FOXO3: variants seen among roughly 807,000 people sequenced by gnomAD.
FOXO3 encodes the protein forkhead box protein O3.
FOXO3 carries 4 observed loss-of-function variants against 41.9 expected under a neutral mutation model. The observed-to-expected ratio is 0.10, with a 90% CI of 0.05 to 0.22. FOXO3 has a LOEUF of 0.22. FOXO3 is among the 10% of genes least tolerant of loss of function. The pLI is 1.00. For synonymous variants in FOXO3, 318 were observed against 389.3 expected (o/e 0.82, Z 2.16); for missense variants, 534 against 906.8 (o/e 0.59, Z 5.28).
At chr6:108,564,535 A>G (rs1287901460) in intron 1 of FOXO3, among the ~76,000 whole-genome samples, 1 of 152,246 alleles carries the variant, frequency 6.6e-6, no homozygotes. Context: ...CATAAAGGGC[A>G]CGGTATGCAG....
At chr6:108,626,399 G>T (rs1777814973) in intron 1 of FOXO3, among the ~76,000 whole-genome samples, 1 of 152,116 alleles carries the variant, frequency 6.6e-6, no homozygotes, top group Non-Finnish European at 1.5e-5. Flanking sequence ...TGAAATATCT[G>T]TCACTACCTT....
At position 108,562,876 on chromosome 6, in the gene FOXO3, C is replaced by T. The variant is rs76694677; in HGVS notation, c.621+1047C>T. On this transcript the variant is annotated intron_variant, in intron 1 of 2. Transcript: ENST00000406360. ...CTGATATCCAGCTGCTTTCCTCTTC[C>T]TAGGCACCTCCCTGGCCCCTTCCCC... Among the ~76,000 whole-genome samples the T allele has an allele frequency of 5.7e-3, 875 of 152,308 alleles. 20 individuals are homozygous for T. Among genetic ancestry groups the T allele is most frequent in the East Asian group, 0.056 (290 of 5,184 alleles).
intron 1 of FOXO3, among the ~76,000 whole-genome samples, chr6:108,609,810 G>C (rs1198712627): frequency 6.6e-6 from 1 of 152,174 alleles, no homozygotes; most frequent in African/African-American, 2.4e-5. Flanking sequence ...GACTTTACAC[G>C]TATGAATATG....
intron 1 of FOXO3, among the ~76,000 whole-genome samples, chr6:108,648,375 G>A (rs188555779): frequency 3.3e-5 from 5 of 152,286 alleles, no homozygotes; most frequent in Non-Finnish European, 7.4e-5. Context: ...GCAACATTGA[G>A]TAACAGCTGA....
intron 1 of FOXO3, among the ~76,000 whole-genome samples, chr6:108,564,299 G>A (rs995979541): frequency 6.6e-6 from 1 of 152,052 alleles, no homozygotes; most frequent in Admixed American, 6.5e-5. Context: ...CTTTTTTTGT[G>A]TGTGCTTGTG....
intron 1 of FOXO3, among the ~76,000 whole-genome samples, chr6:108,658,558 GT>G (rs1214183393): frequency 1.3e-5 from 2 of 152,036 alleles, no homozygotes; most frequent in African/African-American, 4.8e-5. Context: ...TTTTTTGTGT[GT>G]TTTTTTGAGA....
intron 1 of FOXO3, among the ~76,000 whole-genome samples, chr6:108,596,603 C>T (rs530468515): frequency 6.6e-6 from 1 of 152,150 alleles, no homozygotes; most frequent in East Asian, 1.9e-4. Flanking sequence ...TAAGAAGCAA[C>T]ATTTAGAGGA....
intron 1 of FOXO3, among the ~76,000 whole-genome samples, chr6:108,608,651 C>T (rs1777275049): frequency 6.6e-6 from 1 of 152,226 alleles, no homozygotes; most frequent in Non-Finnish European, 1.5e-5. Flanking sequence ...ATTTAGGATC[C>T]TGTTTAGCTA....
Position 108,680,263 on chromosome 6 carries a change from C to T in FOXO3, c.*471C>T, listed in dbSNP as rs1026415658. The T allele has an allele frequency of 2.2e-4, 33 of 152,726 alleles. No individual in the cohort carries two copies. Among genetic ancestry groups the T allele is most frequent in the African/African-American group, 7.2e-4 (30 of 41,556 alleles). 9.5% of individuals were successfully genotyped at this position (152,726 alleles called of 1,614,324 possible). On this transcript the variant is annotated 3_prime_UTR_variant, in exon 3 of 3. Coordinates refer to ENST00000406360, the MANE Select transcript of FOXO3 (RefSeq NM_001455.4). ...TGTTAAAATGTTAACCGTCCTTCCC[C>T]TAGCAAATTTAAAAACAGAAAGAAA...
At chr6:108,631,617 C>T (rs1777977214) in intron 1 of FOXO3, among the ~76,000 whole-genome samples, 1 of 152,066 alleles carries the variant, frequency 6.6e-6, no homozygotes, top group East Asian at 1.9e-4. Flanking sequence ...TTTTTCCCCC[C>T]TTTCCTCTCG....
At chr6:108,589,151 T>C (rs1488403177) in intron 1 of FOXO3, among the ~76,000 whole-genome samples, 3 of 152,238 alleles carry the variant, frequency 2.0e-5, no homozygotes, top group Non-Finnish European at 4.4e-5. Flanking sequence ...GTTTTCCATG[T>C]TCCAGTTTTA....
upstream of FOXO3, chr6:108,560,799 T>A: frequency 2.9e-6 from 1 of 349,380 alleles, no homozygotes; most frequent in Non-Finnish European, 4.8e-6. Context: ...CCCTCCCCCT[T>A]CTCCCCGCCC....
intron 1 of FOXO3, among the ~76,000 whole-genome samples, chr6:108,573,555 C>T (rs949128740): frequency 5.3e-5 from 8 of 152,174 alleles, no homozygotes; most frequent in African/African-American, 1.9e-4. Context: ...TAGCTGGGCA[C>T]AGTGGTTCAC....
At chr6:108,614,763 A>T in intron 1 of FOXO3, among the ~76,000 whole-genome samples, 1 of 148,808 alleles carries the variant, frequency 6.7e-6, no homozygotes, top group African/African-American at 2.5e-5. Context: ...CATTTTGTTT[A>T]ATGTAATTAT....
At chr6:108,677,237 G>C (rs111601159) in intron 2 of FOXO3, among the ~76,000 whole-genome samples, 1 of 152,214 alleles carries the variant, frequency 6.6e-6, no homozygotes, top group Admixed American at 6.5e-5. Context: ...CACACATCTC[G>C]TTTTTAATAA....
intron 2 of FOXO3, among the ~76,000 whole-genome samples, chr6:108,666,647 T>C (rs1226910274): frequency 1.3e-5 from 2 of 152,030 alleles, no homozygotes; most frequent in Non-Finnish European, 2.9e-5. Context: ...CCGGCCTAGA[T>C]TCATTTCTTA....
intron 1 of FOXO3, among the ~76,000 whole-genome samples, chr6:108,646,340 G>A (rs770174618): frequency 3.3e-5 from 5 of 152,184 alleles, no homozygotes; most frequent in South Asian, 4.1e-4. Context: ...CATTGTGTGA[G>A]TAATGAATAA....
At chr6:108,656,618 A>G (rs1326905800) in intron 1 of FOXO3, 20 of 503,646 alleles carry the variant, frequency 4.0e-5, no homozygotes, top group Admixed American at 1.3e-4. Flanking sequence ...TTGGCACTTC[A>G]CTGAGTAGTT....
At chr6:108,580,183 A>ATTTTTTTTTTTTTTTTTTTTTTTTTTT (rs11395032) in intron 1 of FOXO3, among the ~76,000 whole-genome samples, 2 of 93,072 alleles carry the variant, frequency 2.1e-5, no homozygotes, top group Non-Finnish European at 3.8e-5. Context: ...GCTCTTCTTC[A>ATTTTTTTTTTTTTTTTTTTTTTTTTTT]TTTTTTTTTT....
Sources: allele counts gnomAD v4.1 joint callset (sites outside exome capture counted in the v4.1 genomes callset), GRCh38; gene constraint gnomAD v4.1.1; transcripts MANE v1.5; gene names NCBI Gene and HGNC (gene_info 2026-07-23, HGNC 2026-07-21).